Variants in SNW1 observed in about 807,000 individuals in gnomAD.
SNW1 encodes the protein SNW domain-containing protein 1.
In SNW1, 9 loss-of-function variants were observed where a neutral mutation model predicts 75.6. The observed-to-expected ratio is 0.12, with a 90% CI of 0.07 to 0.21. SNW1 has a LOEUF of 0.21. Ranked by LOEUF, SNW1 falls within the 10% of genes least tolerant of loss-of-function variation. SNW1 has a pLI of 1.00. For synonymous variants in SNW1, 200 were observed against 219.1 expected (o/e 0.91, Z 0.77); for missense variants, 409 against 670.9 (o/e 0.61, Z 4.31).
At position 77,751,805 on chromosome 14, in the gene SNW1, GACACACACACACACACACAC is replaced by G. The variant is rs61135876; in HGVS notation, c.169-345_169-326del. 5.2e-3 allele frequency among the ~76,000 whole-genome samples: 720 copies of G among 139,558 alleles called. 6 individuals are homozygous for G. The highest frequency in any genetic ancestry group is 0.018 in the African/African-American group (683 of 37,278). The allele number at this position is 139,558 out of a possible 152,430, so 91.6% of individuals were successfully genotyped here. ...AATGATTAGAAAGCAGTCATGGGAA[GACACACACACACACACACAC>G]ACACACACACACACACACACCACAC... is the stretch of plus-strand genomic sequence containing the variant. On this transcript the variant is annotated intron_variant, in intron 2 of 13. Transcript: ENST00000261531.
At chr14:77,727,686 C>G (rs2080596574) in intron 10 of SNW1, among the ~76,000 whole-genome samples, 1 of 152,158 alleles carries the variant, frequency 6.6e-6, no homozygotes. Context: ...TGATGTATCA[C>G]ATTTACTGAT....
Position 77,748,770 on chromosome 14 carries a change from G to A in SNW1, c.330+2549C>T, listed in dbSNP as rs569051241. On this transcript the variant is annotated intron_variant, in intron 3 of 13. Coordinates refer to ENST00000261531, the MANE Select transcript of SNW1 (RefSeq NM_012245.3). ...GCCCAGCTAATTTTTTGTGTTTTTA[G>A]TAGAGACGGGGTTTCACTGTGTTAG... Among the ~76,000 whole-genome samples, 28 of 152,056 alleles carry A rather than the reference G, an allele frequency of 1.8e-4. No individual in the cohort carries two copies. The South Asian group carries it at 5.8e-3, about 32-fold the overall frequency.
rs913184892 is a variant in SNW1, at chr14:77,717,944, C to G, written c.*144G>C. On this transcript the variant is annotated 3_prime_UTR_variant, in exon 14 of 14. Coordinates refer to ENST00000261531, the MANE Select transcript of SNW1 (RefSeq NM_012245.3). ...TTCAAAGTAGAATTTTCTATCCCCC[C>G]CATTTCTCCAGTAATAAAAAGTAGT... The G allele has an allele frequency of 4.3e-6, 3 of 703,706 alleles. No individual in the cohort carries two copies. In the African/African-American group the frequency reaches 5.3e-5, roughly 13 times the overall value. 43.6% of individuals were successfully genotyped at this position (703,706 alleles called of 1,614,324 possible).
chr14:77,731,613 T>G lies in SNW1; in HGVS notation c.892-484A>C, dbSNP rs185371736. 3.1e-3 allele frequency among the ~76,000 whole-genome samples: 479 copies of G among 152,326 alleles called. 2 individuals are homozygous for G. The highest frequency in any genetic ancestry group is 0.011 in the African/African-American group (455 of 41,584). On this transcript the variant is annotated intron_variant, in intron 9 of 13. Coordinates refer to ENST00000261531, the MANE Select transcript of SNW1 (RefSeq NM_012245.3). The stretch of plus-strand genomic sequence containing the variant: ...GTCAACTCAAGATAAAATCTTAACT[T>G]ACATCTGCTAGATAATTTTTATAAG...
chr14:77,736,402 A>T (rs942671633), intron 6 of SNW1, among the ~76,000 whole-genome samples: 1 of 152,076 alleles, frequency 6.6e-6, no homozygotes, highest in African/African-American at 2.4e-5. Context: ...ACAAAAACTT[A>T]GCTGGGCATT....
intron 3 of SNW1, among the ~76,000 whole-genome samples, chr14:77,743,099 C>T (rs1423049974): frequency 6.6e-6 from 1 of 151,840 alleles, no homozygotes; most frequent in Admixed American, 6.6e-5. Flanking sequence ...GTGGCACATG[C>T]CTGTAATCCC....
intron 10 of SNW1, among the ~76,000 whole-genome samples, chr14:77,728,675 C>CA (rs2080605424): frequency 6.6e-6 from 1 of 152,140 alleles, no homozygotes; most frequent in Admixed American, 6.6e-5. Context: ...AGATTTGGAG[C>CA]AAGCCTGTCT....
chr14:77,747,228 G>GC (rs2139923952), intron 3 of SNW1, among the ~76,000 whole-genome samples: 1 of 152,258 alleles, frequency 6.6e-6, no homozygotes, highest in African/African-American at 2.4e-5. Flanking sequence ...GCTCAATGTT[G>GC]CCCAGGCTGG....
Position 77,718,293 on chromosome 14 carries a change from A to T in SNW1, c.1413-7T>A. ...CTCCTTGTCGGGAACAAATCTAAGG[A>T]AAAGGAGAAAAAACTATGAACTACT... On this transcript the variant is annotated splice_polypyrimidine_tract_variant and splice_region_variant and intron_variant, in intron 13 of 13. Transcript: ENST00000261531. The T allele has an allele frequency of 6.2e-7, 1 of 1,613,976 alleles. No individual in the cohort carries two copies. The highest frequency in any genetic ancestry group is 8.5e-7 in the Non-Finnish European group (1 of 1,179,912).
At chr14:77,743,026 G>A (rs2080730366) in intron 3 of SNW1, among the ~76,000 whole-genome samples, 1 of 151,812 alleles carries the variant, frequency 6.6e-6, no homozygotes, top group Non-Finnish European at 1.5e-5. Context: ...GGGAGTTGGA[G>A]ACTAGCCTGA....
At chr14:77,754,194 GCCA>G (rs1197907362) in intron 2 of SNW1, among the ~76,000 whole-genome samples, 3 of 151,386 alleles carry the variant, frequency 2.0e-5, no homozygotes, top group Non-Finnish European at 4.4e-5. Context: ...ACAGGCATGC[GCCA>G]CCACACCTGG....
chr14:77,758,530 C>T (rs2080860841), intron 1 of SNW1, among the ~76,000 whole-genome samples: 1 of 152,148 alleles, frequency 6.6e-6, no homozygotes, highest in Admixed American at 6.6e-5. Context: ...TTTCTGACCA[C>T]CTTACCCAAA....
At chr14:77,723,895 C>G (rs952569374) in intron 10 of SNW1, among the ~76,000 whole-genome samples, 1 of 152,154 alleles carries the variant, frequency 6.6e-6, no homozygotes, top group African/African-American at 2.4e-5. Flanking sequence ...TCTGCCGCAC[C>G]CAGCCAATAT....
intron 9 of SNW1, among the ~76,000 whole-genome samples, chr14:77,732,261 T>C (rs2080633293): frequency 6.6e-6 from 1 of 152,162 alleles, no homozygotes. Context: ...TATTCTGACA[T>C]GTTGTGAGGG....
intron 3 of SNW1, among the ~76,000 whole-genome samples, chr14:77,739,341 T>C (rs1344768042): frequency 6.6e-6 from 1 of 152,222 alleles, no homozygotes; most frequent in Non-Finnish European, 1.5e-5. Context: ...AAATCATGCA[T>C]TGATGATCAC....
Position 77,742,901 on chromosome 14 carries a change from A to T in SNW1, c.331-3840T>A, listed in dbSNP as rs955543900. Among the ~76,000 whole-genome samples the T allele has an allele frequency of 1.1e-3, 170 of 151,754 alleles. 1 individual carries two copies. Among genetic ancestry groups the T allele is most frequent in the Non-Finnish European group, 2.2e-3 (146 of 67,906 alleles). Reference sequence around the variant, plus strand: ...TTTCTTACATAACTATTTCAGAGGGAAAAATACATACACCAAGCCCTTTAT... The same window carrying T: ...TTTCTTACATAACTATTTCAGAGGGTAAAATACATACACCAAGCCCTTTAT... On this transcript the variant is annotated intron_variant, in intron 3 of 13. Transcript: ENST00000261531.
chr14:77,747,497 G>C (rs1162626389), intron 3 of SNW1, among the ~76,000 whole-genome samples: 1 of 148,366 alleles, frequency 6.7e-6, no homozygotes, highest in Non-Finnish European at 1.5e-5. Flanking sequence ...GCCGCCCATC[G>C]TCTGAGATGT....
chr14:77,724,436 T>C (rs888303661), intron 10 of SNW1, among the ~76,000 whole-genome samples: 2 of 152,224 alleles, frequency 1.3e-5, no homozygotes, highest in Non-Finnish European at 2.9e-5. Context: ...TTCACCCCAC[T>C]GTACTAGGAA....
chr14:77,725,049 T>C (rs1433024795), intron 10 of SNW1, among the ~76,000 whole-genome samples: 1 of 152,200 alleles, frequency 6.6e-6, no homozygotes, highest in Non-Finnish European at 1.5e-5. Context: ...TTAACTGGAG[T>C]GACATAATAT....
Sources: gnomAD v4.1 joint callset for allele counts (sites outside exome capture counted in the v4.1 genomes callset) on GRCh38, gnomAD v4.1.1 for gene constraint, MANE v1.5 for transcripts, NCBI Gene and HGNC (gene_info 2026-07-23, HGNC 2026-07-21) for gene names.